Variants in TRIM65 observed in about 807,000 individuals in gnomAD.
TRIM65 encodes the protein E3 ubiquitin-protein ligase TRIM65.
Under a neutral mutation model 36.1 loss-of-function variants are expected in TRIM65, and 46 were observed. The observed-to-expected ratio is 1.27, with a 90% CI of 1.01 to 1.63. The LOEUF (loss-of-function observed/expected upper bound fraction) is 1.63. TRIM65 is among the 40% of genes most tolerant of loss of function. The pLI is 0.00. For missense variants in TRIM65, 708 were observed against 696.6 expected, an observed-to-expected ratio of 1.02 and a Z score of -0.18; for synonymous variants, 346 against 313.6, an observed-to-expected ratio of 1.10 and a Z score of -1.09.
At position 75,892,109 on chromosome 17, in the gene TRIM65, C is replaced by T; in HGVS notation, c.821G>A (p.Gly274Asp). 1 of 1,559,084 alleles carries T rather than the reference C, an allele frequency of 6.4e-7. No individual in the cohort carries two copies. Residue 274 changes from glycine (G) to aspartate (D), a missense_variant, in exon 4 of 6, where the codon GGT (glycine) becomes GAT (aspartate). Physicochemically the swap from Gly to Asp is moderately conservative, Grantham distance 94. Transcript: ENST00000269383. Reference sequence around the variant, plus strand: ...CCGGCTTAGCAACTGCTTCAGGTCACCCAGCTGTTGGTCTTCATCCCACTG... The same window carrying T: ...CCGGCTTAGCAACTGCTTCAGGTCATCCAGCTGTTGGTCTTCATCCCACTG... ...PLQWDEDQQLGDLKQLLSRLC... is the reference protein window; with the variant it reads ...PLQWDEDQQLDDLKQLLSRLC...
chr17:75,891,871 T>C lies in TRIM65; in HGVS notation c.927A>G (p.Pro309=). ...TGCTTGGGACCGGTGCCAGGGGACC[T>C]GGGGCCTCTAGGGGGCAAAGCAGTG... The part of the protein sequence containing the change: ...KPVDLAPVEA[P]GPLAPVPSTV... Residue 309 remains proline, a synonymous_variant, in exon 5 of 6, where the codon CCA becomes CCG. Coordinates refer to ENST00000269383, the MANE Select transcript of TRIM65 (RefSeq NM_173547.4). The C allele has an allele frequency of 6.2e-7, 1 of 1,611,996 alleles. No individual in the cohort carries two copies. Among genetic ancestry groups the C allele is most frequent in the Non-Finnish European group, 8.5e-7 (1 of 1,179,006 alleles).
At chr17:75,891,688 A>G in intron 5 of TRIM65, 125 bp downstream of exon 5, 1 of 1,286,122 alleles carries the variant, frequency 7.8e-7, no homozygotes. Flanking sequence ...AGGACAGTCA[A>G]AACAAGTGCC....
In TRIM65 at chr17:75,891,148, C is replaced by T. The variant is rs2065259524; in HGVS notation, c.1185G>A (p.Val395=). ...YWEVRASDHS[V]TLGVSYPQLP... ...GTTGCGGGTAGGAGACGCCCAGTGTCACCGAGTGGTCTGACGCGCGCACCT... is the reference window on the plus strand; with the variant it reads ...GTTGCGGGTAGGAGACGCCCAGTGTTACCGAGTGGTCTGACGCGCGCACCT... The change falls in exon 6 of 6, where the codon GTG becomes GTA. Residue 395 remains valine (V), a synonymous_variant. Transcript: ENST00000269383. 6.2e-7 allele frequency: 1 copy of T among 1,608,596 alleles called. No homozygotes were observed. Among genetic ancestry groups the T allele is most frequent in the Admixed American group, 1.7e-5 (1 of 60,004 alleles).
chr17:75,886,728 G>C (rs115738443), downstream of TRIM65, among the ~76,000 whole-genome samples: 1,371 of 152,012 alleles, frequency 9.0e-3, 14 homozygotes, highest in African/African-American at 0.027. Flanking sequence ...CCACCTGATT[G>C]TGCACAACTG....
downstream of TRIM65, among the ~76,000 whole-genome samples, chr17:75,888,006 G>A (rs189660061): frequency 0.029 from 4,368 of 151,350 alleles, 199 homozygotes; most frequent in African/African-American, 0.099. Flanking sequence ...AATACAAAAA[G>A]TTAGCTGGGC....
chr17:75,886,972 C>G (rs1049301244), downstream of TRIM65, among the ~76,000 whole-genome samples: 2 of 151,304 alleles, frequency 1.3e-5, no homozygotes, highest in Non-Finnish European at 3.0e-5. Context: ...CTGGGCAACA[C>G]AGTGAGAACC....
downstream of TRIM65, among the ~76,000 whole-genome samples, chr17:75,886,485 G>C (rs1011258932): frequency 7.8e-6 from 1 of 128,334 alleles, no homozygotes; most frequent in East Asian, 2.4e-4. Context: ...TTGTGCCACT[G>C]AACTCTAGCC....
At chr17:75,886,879 C>T (rs1277236563), downstream of TRIM65, among the ~76,000 whole-genome samples, 2 of 152,158 alleles carry the variant, frequency 1.3e-5, no homozygotes, top group African/African-American at 2.4e-5. Context: ...GTGCGTTTTC[C>T]TGGAGAGACG....
rs1264454549 is a variant in TRIM65, at chr17:75,892,739, G to A, written c.510+16C>T. On this transcript the variant is annotated intron_variant, in intron 2 of 5. Coordinates refer to ENST00000269383, the MANE Select transcript of TRIM65 (RefSeq NM_173547.4). ...AGTGTGAGGCCATGGTGGGCGGGCA[G>A]GCACAGGCCTCGTACCTGGATCTGG... is the stretch of plus-strand genomic sequence containing the variant. The A allele has an allele frequency of 7.5e-6, 12 of 1,599,584 alleles. No individual in the cohort carries two copies. The highest frequency in any genetic ancestry group is 3.8e-4 in the Middle Eastern group (2 of 5,268).
chr17:75,881,235 C>CAAAAAAAA (rs58718762), intron 4 of TRIM65, among the ~76,000 whole-genome samples: 4 of 110,258 alleles, frequency 3.6e-5, no homozygotes, highest in South Asian at 3.2e-4. Flanking sequence ...GACTCCATCT[C>CAAAAAAAA]AAAAAAAAAA....
chr17:75,884,733 C>T (rs1297561661), downstream of TRIM65, among the ~76,000 whole-genome samples: 1 of 152,158 alleles, frequency 6.6e-6, no homozygotes. Flanking sequence ...ATCCTCCTGC[C>T]TTAGCCTCCC....
Position 75,891,095 on chromosome 17 carries a change from G to T in TRIM65, c.1238C>A (p.Thr413Lys). ...GCAGGGTCCCCGGCCAATGTTGTCT[G>T]TGTGGGGCCCCAGCCTGCACCGTGG... Reference protein sequence around the residue: ...QLPRCRLGPHTDNIGRGPCSW... With the variant: ...QLPRCRLGPHKDNIGRGPCSW... Residue 413 changes from threonine to lysine, a missense_variant, in exon 6 of 6, where the codon ACA becomes AAA. Thr to Lys is a moderately conservative substitution (Grantham distance 78). Transcript: ENST00000269383. 2 of 1,610,456 alleles carry T rather than the reference G, an allele frequency of 1.2e-6. No individual in the cohort carries two copies. The highest frequency in any genetic ancestry group is 1.7e-6 in the Non-Finnish European group (2 of 1,179,880).
At position 75,892,493 on chromosome 17, in the gene TRIM65, G is replaced by A. The variant is rs747647313; in HGVS notation, c.518C>T (p.Ala173Val). The A allele has an allele frequency of 6.2e-7, 1 of 1,612,956 alleles. No homozygotes were observed. The highest frequency in any genetic ancestry group is 2.2e-5 in the East Asian group (1 of 44,878). ...GGAGACCCAGGAGGCCAAGATGCAG[G>A]CCGAGTTCTGGGCGGGAACAGGAGG... ...RKQSSQIQNSACILASWVSGK... is the reference protein window; with the variant it reads ...RKQSSQIQNSVCILASWVSGK... Residue 173 changes from alanine (A) to valine (V), a missense_variant, in exon 3 of 6, where the codon GCC becomes GTC. Coordinates refer to ENST00000269383, the MANE Select transcript of TRIM65 (RefSeq NM_173547.4).
At chr17:75,892,643 C>T (rs2065288679) in intron 2 of TRIM65, 112 bp downstream of exon 2, 1 of 1,250,930 alleles carries the variant, frequency 8.0e-7, no homozygotes, top group Non-Finnish European at 1.1e-6. Flanking sequence ...CCCCTGTGCC[C>T]AGCTCCCTGC....
chr17:75,888,920 A>G (rs2065231272), downstream of TRIM65: 1 of 151,936 alleles, frequency 6.6e-6, no homozygotes, highest in Admixed American at 6.6e-5. Context: ...TTACAAATAT[A>G]AAAACATTAT....
intron 4 of TRIM65, among the ~76,000 whole-genome samples, chr17:75,881,973 T>C (rs1056462152): frequency 1.3e-5 from 2 of 150,070 alleles, no homozygotes; most frequent in African/African-American, 5.1e-5. Context: ...CCAGGAGCGG[T>C]TGGGAGGCCC....
At chr17:75,892,881 AGAG>A in intron 1 of TRIM65, 31 bp from the exon 2 acceptor site, 1 of 1,585,012 alleles carries the variant, frequency 6.3e-7, no homozygotes, top group Non-Finnish European at 8.6e-7. Context: ...ACAAGCAACA[AGAG>A]AAGGCCAGGA....
chr17:75,892,567 C>A, intron 2 of TRIM65, 67 bp from the exon 3 acceptor site: 1 of 1,458,014 alleles, frequency 6.9e-7, no homozygotes, highest in Non-Finnish European at 9.4e-7. Flanking sequence ...AGGCTAGGGC[C>A]AGGGCTGCCT....
chr17:75,881,418 G>A (rs1158972768), intron 4 of TRIM65, among the ~76,000 whole-genome samples: 1 of 150,226 alleles, frequency 6.7e-6, no homozygotes, highest in Non-Finnish European at 1.5e-5. Flanking sequence ...CACAGTTCTG[G>A]AGGCTGGAAG....
Sources: allele counts gnomAD v4.1 joint callset (sites outside exome capture counted in the v4.1 genomes callset), GRCh38; gene constraint gnomAD v4.1.1; transcripts MANE v1.5; gene names NCBI Gene and HGNC (gene_info 2026-07-23, HGNC 2026-07-21).